Variants in TRIOBP observed in about 807,000 individuals in gnomAD.
TRIOBP encodes TRIO and F-actin-binding protein.
In TRIOBP, 169 loss-of-function variants were observed where a neutral mutation model predicts 238.8. The observed-to-expected ratio is 0.71, with a 90% CI of 0.62 to 0.80. The LOEUF is 0.80. Ranked by LOEUF, TRIOBP falls within the 30% of genes least tolerant of loss-of-function variation. TRIOBP has a pLI of 0.00. For missense variants in TRIOBP, 2,838 were observed against 3,122.6 expected (o/e 0.91, Z 2.17); for synonymous variants, 1,150 against 1,274.4 (o/e 0.90, Z 2.08).
At chr22:37,719,866 A>G (rs1923727887) in intron 6 of TRIOBP, among the ~76,000 whole-genome samples, 1 of 145,404 alleles carries the variant, frequency 6.9e-6, no homozygotes, top group African/African-American at 2.5e-5. Flanking sequence ...GGGAAAAACC[A>G]TGACTCCGGA....
chr22:37,703,750 C>A (rs1161654294), intron 3 of TRIOBP, among the ~76,000 whole-genome samples: 1 of 151,942 alleles, frequency 6.6e-6, no homozygotes, highest in African/African-American at 2.4e-5. Context: ...CGTTATTCGC[C>A]CACCTCGACC....
chr22:37,749,979 C>T (rs986992435), intron 11 of TRIOBP, among the ~76,000 whole-genome samples: 1 of 152,082 alleles, frequency 6.6e-6, no homozygotes, highest in Admixed American at 6.6e-5. Context: ...AAATTGGTGA[C>T]CTTCTATCCC....
chr22:37,759,577 C>T, intron 17 of TRIOBP: 1 of 1,590,180 alleles, frequency 6.3e-7, no homozygotes, highest in Non-Finnish European at 8.5e-7. Flanking sequence ...CCGTGTGACA[C>T]TCTGCACTTG....
At position 37,757,974 on chromosome 22, in the gene TRIOBP, G is replaced by C. The variant is rs766424671; in HGVS notation, c.6049G>C (p.Asp2017His). The C allele has an allele frequency of 1.9e-6, 3 of 1,580,910 alleles. No individual in the cohort carries two copies. Among genetic ancestry groups the C allele is most frequent in the Non-Finnish European group, 1.7e-6 (2 of 1,164,232 alleles). Residue 2017 changes from aspartate (D) to histidine (H), a missense_variant, in exon 16 of 24, where the codon GAC becomes CAC. By Grantham distance (81) the Asp-to-His change is moderately conservative. Transcript: ENST00000644935. ...RRGLGAPLTE[D>H]QQNRLSEEIE... ...GGGCCTGGGTGCCCCCCTGACTGAGGACCAGCAAAACCGGCTTAGTGAGGA... is the reference window on the plus strand; with the variant it reads ...GGGCCTGGGTGCCCCCCTGACTGAGCACCAGCAAAACCGGCTTAGTGAGGA...
intron 21 of TRIOBP, among the ~76,000 whole-genome samples, chr22:37,769,790 A>G (rs1926676751): frequency 6.6e-6 from 1 of 151,900 alleles, no homozygotes; most frequent in African/African-American, 2.4e-5. Flanking sequence ...GTGTAGTGAC[A>G]CGATCTCAGT....
chr22:37,715,294 C>T (rs747412374), intron 5 of TRIOBP, among the ~76,000 whole-genome samples: 11 of 151,984 alleles, frequency 7.2e-5, no homozygotes, highest in African/African-American at 1.9e-4. Flanking sequence ...GGATTACAGG[C>T]GTGAGCCACT....
chr22:37,765,055 G>A (rs1398959915), intron 17 of TRIOBP, among the ~76,000 whole-genome samples: 4 of 152,174 alleles, frequency 2.6e-5, no homozygotes, highest in South Asian at 2.1e-4. Context: ...GGCCAAGGCC[G>A]GCAGATCACA....
At chr22:37,709,582 C>T (rs909609187) in intron 3 of TRIOBP, among the ~76,000 whole-genome samples, 2 of 152,208 alleles carry the variant, frequency 1.3e-5, no homozygotes, top group East Asian at 3.8e-4. Context: ...GAGCCCGCAG[C>T]CCAGGTAATC....
At chr22:37,755,360 G>A (rs1925861089) in intron 14 of TRIOBP, 170 bp downstream of exon 14, 1 of 916,554 alleles carries the variant, frequency 1.1e-6, no homozygotes, top group Non-Finnish European at 1.7e-6. Flanking sequence ...TAGCATATCT[G>A]GGGGAGACGC....
intron 11 of TRIOBP, chr22:37,751,293 A>T (rs1167177560): frequency 2.9e-6 from 1 of 344,058 alleles, no homozygotes; most frequent in African/African-American, 2.2e-5. Flanking sequence ...CACCTCCCAT[A>T]GTCTCCTGGA....
Position 37,726,269 on chromosome 22 carries a change from C to CT in TRIOBP, c.3713_3714insT (p.Phe1239ValfsTer142). ...CCCCGCCACCCACCCAGTGACCTAG[C>CT]GTTCCTGGCACCCTCACCTTCACCG... On this transcript the variant is annotated frameshift_variant, in exon 7 of 24. Coordinates refer to ENST00000644935, the MANE Select transcript of TRIOBP (RefSeq NM_001039141.3). LOFTEE classifies it high-confidence loss of function. The CT allele has an allele frequency of 6.2e-7, 1 of 1,612,960 alleles. No individual in the cohort carries two copies. The highest frequency in any genetic ancestry group is 8.5e-7 in the Non-Finnish European group (1 of 1,179,920).
intron 2 of TRIOBP, among the ~76,000 whole-genome samples, chr22:37,698,697 C>T (rs747670765): frequency 2.0e-5 from 3 of 151,992 alleles, no homozygotes; most frequent in Admixed American, 1.3e-4. Flanking sequence ...ATTAGCTGGG[C>T]GTGGTGGCGT....
At chr22:37,700,911 C>T (rs899088629) in intron 2 of TRIOBP, among the ~76,000 whole-genome samples, 4 of 152,124 alleles carry the variant, frequency 2.6e-5, no homozygotes, top group Non-Finnish European at 5.9e-5. Flanking sequence ...AGGCTGGTCT[C>T]GAACTCCTGA....
At position 37,769,253 on chromosome 22, in the gene TRIOBP, C is replaced by T. The variant is rs1319039649; in HGVS notation, c.6736-9C>T. The T allele has an allele frequency of 8.7e-6, 14 of 1,608,626 alleles. No individual in the cohort carries two copies. The highest frequency in any genetic ancestry group is 1.7e-4 in the Middle Eastern group (1 of 6,022). On this transcript the variant is annotated splice_polypyrimidine_tract_variant and intron_variant, in intron 20 of 23. Transcript: ENST00000644935. ...GGCACCCCTCCCCTGACCACCGTGC[C>T]TCTCCCAGGAGCTGCATGGCCGCCT...
At chr22:37,699,584 C>T (rs1166671270) in intron 2 of TRIOBP, among the ~76,000 whole-genome samples, 1 of 152,090 alleles carries the variant, frequency 6.6e-6, no homozygotes, top group Non-Finnish European at 1.5e-5. Context: ...TCTTATCACC[C>T]AGGCTGGAGT....
At chr22:37,746,200 C>A in intron 11 of TRIOBP, 1 of 1,062,312 alleles carries the variant, frequency 9.4e-7, no homozygotes, top group Non-Finnish European at 1.1e-6. Flanking sequence ...CCGCTCGGGT[C>A]CTCCCAGGAA....
intron 11 of TRIOBP, chr22:37,746,551 A>C: frequency 1.2e-6 from 1 of 820,700 alleles, no homozygotes. Flanking sequence ...CTGGGCCGGA[A>C]GACGGGGCCA....
chr22:37,743,801 A>ATGTGTGTGTGTG (rs71195050), intron 11 of TRIOBP, among the ~76,000 whole-genome samples: 1,995 of 114,118 alleles, frequency 0.017, 43 homozygotes, highest in African/African-American at 0.019. Context: ...GAGAGAGAGA[A>ATGTGTGTGTGTG]TGTGTGTGTG....
At position 37,716,181 on chromosome 22, in the gene TRIOBP, G is replaced by C. The variant is rs937275093; in HGVS notation, c.628+247G>C. ...GGCTAGAGTGCAGTGGTGTGATCTCGGCTCACTGCAACCTTTGCCTCCCCA... is the reference window on the plus strand; with the variant it reads ...GGCTAGAGTGCAGTGGTGTGATCTCCGCTCACTGCAACCTTTGCCTCCCCA... On this transcript the variant is annotated intron_variant, in intron 6 of 23. Coordinates refer to ENST00000644935, the MANE Select transcript of TRIOBP (RefSeq NM_001039141.3). Among the ~76,000 whole-genome samples, 3 of 151,858 alleles carry C rather than the reference G, an allele frequency of 2.0e-5. No homozygotes were observed. In the East Asian group the frequency reaches 5.8e-4, roughly 29 times the overall value.
Sources: allele counts gnomAD v4.1 joint callset (sites outside exome capture counted in the v4.1 genomes callset), GRCh38; gene constraint gnomAD v4.1.1; transcripts MANE v1.5; gene names NCBI Gene and HGNC (gene_info 2026-07-23, HGNC 2026-07-21).